RFC1: variants seen among roughly 807,000 people sequenced by gnomAD.
RFC1 encodes the protein replication factor C subunit 1.
RFC1 carries 37 observed loss-of-function variants against 137.4 expected under a neutral mutation model. The ratio of observed to expected loss-of-function variants is 0.27; its 90% CI spans 0.21 to 0.35. The LOEUF (loss-of-function observed/expected upper bound fraction) is 0.35, where lower values mean the gene tolerates loss of function less well. Ranked by LOEUF, RFC1 falls within the 10% of genes least tolerant of loss-of-function variation. The probability of loss-of-function intolerance (pLI) is 1.00; values close to 1 mark genes in which losing one functional copy is unlikely to be tolerated. For synonymous variants in RFC1, 429 were observed against 455.7 expected (o/e 0.94, Z 0.75); for missense variants, 1,205 against 1,358.5 (o/e 0.89, Z 1.78).
In RFC1 at chr4:39,366,270, G is replaced by C; in HGVS notation, c.-29C>G. 1.3e-6 allele frequency: 2 copies of C among 1,530,288 alleles called. No homozygotes were observed. Among genetic ancestry groups the C allele is most frequent in the Non-Finnish European group, 1.8e-6 (2 of 1,137,874 alleles). The allele number at this position is 1,530,288 out of a possible 1,614,324, so 94.8% of individuals were successfully genotyped here. ...AGCCCCAGGATGAAGGCGCTGGCTG[G>C]CTGGCGGGTGGGCCGGTTGAGGAAT... On this transcript the variant is annotated 5_prime_UTR_variant, in exon 1 of 25. Coordinates refer to ENST00000349703, the MANE Select transcript of RFC1 (RefSeq NM_002913.5).
intron 1 of RFC1, 141 bp from the exon 2 acceptor site, chr4:39,351,617 G>A: frequency 1.6e-6 from 1 of 627,998 alleles, no homozygotes; most frequent in Non-Finnish European, 2.5e-6. Flanking sequence ...CACGAATATA[G>A]TAGCTTTCTT....
intron 4 of RFC1, among the ~76,000 whole-genome samples, chr4:39,333,658 GT>G (rs1318551949): frequency 6.6e-6 from 1 of 151,964 alleles, no homozygotes; most frequent in East Asian, 1.9e-4. Flanking sequence ...AATGTTATAG[GT>G]ATAAACATCA....
rs1560616018 is a variant in RFC1, at chr4:39,342,455, T to C, written c.221A>G (p.Glu74Gly). 1.2e-6 allele frequency: 2 copies of C among 1,612,806 alleles called. No homozygotes were observed. Among genetic ancestry groups the C allele is most frequent in the Non-Finnish European group, 1.7e-6 (2 of 1,179,146 alleles). Reference protein sequence around the residue: ...RIIYDSDSESEETLQVKNAKK... With the variant: ...RIIYDSDSESGETLQVKNAKK... ...GGCATTTTTTACCTGCAACGTCTCCTCTGACTCTGAATCTGTATGTGAGAG... is the reference window on the plus strand; with the variant it reads ...GGCATTTTTTACCTGCAACGTCTCCCCTGACTCTGAATCTGTATGTGAGAG... The change falls in exon 4 of 25, where the codon GAG (glutamate) becomes GGG (glycine). Residue 74 changes from glutamate (E) to glycine (G), a missense_variant. This residue lies in a region of RFC1 where 962 missense variants were observed against 1,035.3 expected (regional missense o/e 0.93). Coordinates refer to ENST00000349703, the MANE Select transcript of RFC1 (RefSeq NM_002913.5).
intron 22 of RFC1, 46 bp from the exon 23 acceptor site, chr4:39,291,898 T>C: frequency 7.2e-7 from 1 of 1,393,370 alleles, no homozygotes; most frequent in African/African-American, 1.4e-5. Context: ...AAGTATCAAC[T>C]CAAGTCATAC....
At chr4:39,351,524 A>C in intron 1 of RFC1, 48 bp from the exon 2 acceptor site, 1 of 1,458,676 alleles carries the variant, frequency 6.9e-7, no homozygotes, top group East Asian at 2.7e-5. Flanking sequence ...AACCGCATAA[A>C]ATTATAACTT....
intron 15 of RFC1, among the ~76,000 whole-genome samples, chr4:39,303,517 G>A (rs184549037): frequency 1.4e-3 from 217 of 151,980 alleles, no homozygotes; most frequent in African/African-American, 5.0e-3. Flanking sequence ...GCAATGGCAC[G>A]ATATTGGCTC....
intron 10 of RFC1, among the ~76,000 whole-genome samples, chr4:39,313,365 ACTC>A (rs1207804904): frequency 6.6e-6 from 1 of 152,206 alleles, no homozygotes; most frequent in East Asian, 1.9e-4. Flanking sequence ...AAGCAGGTAT[ACTC>A]CTATCATTTT....
chr4:39,305,485 G>T (rs182293349), intron 14 of RFC1, among the ~76,000 whole-genome samples: 62 of 152,220 alleles, frequency 4.1e-4, no homozygotes, highest in South Asian at 1.0e-3. Context: ...GCGTGTTCCT[G>T]TAGTCTCAGC....
intron 6 of RFC1, among the ~76,000 whole-genome samples, chr4:39,324,637 T>C (rs761861356): frequency 6.6e-6 from 1 of 152,200 alleles, no homozygotes; most frequent in Non-Finnish European, 1.5e-5. Context: ...ATAATACTTA[T>C]CAAGAGCCCA....
Position 39,302,861 on chromosome 4 carries a change from A to G in RFC1, c.2216T>C (p.Leu739Pro). 1 of 1,579,556 alleles carries G rather than the reference A, an allele frequency of 6.3e-7. No homozygotes were observed. Among genetic ancestry groups the G allele is most frequent in the Admixed American group, 1.9e-5 (1 of 51,386 alleles). Residue 739 changes from leucine (L) to proline (P), a missense_variant, in exon 17 of 25, where the codon CTG (leucine) becomes CCG (proline). Leu to Pro is a moderately conservative substitution (Grantham distance 98). Transcript: ENST00000349703. ...AATGGGAATTTTAGTATGTTTTATCAGGCCAATTAATTCCTGAAAGGCAAG... is the reference window on the plus strand; with the variant it reads ...AATGGGAATTTTAGTATGTTTTATCGGGCCAATTAATTCCTGAAAGGCAAG... ...DRGGIQELIG[L>P]IKHTKIPIIC...
chr4:39,316,863 A>G (rs1739263064), intron 10 of RFC1, 52 bp downstream of exon 10: 1 of 1,047,678 alleles, frequency 9.5e-7, no homozygotes, highest in Admixed American at 1.8e-5. Flanking sequence ...ACATACATGG[A>G]CCCATACGGC....
intron 3 of RFC1, among the ~76,000 whole-genome samples, chr4:39,343,131 T>C (rs1009969350): frequency 6.6e-6 from 1 of 152,218 alleles, no homozygotes; most frequent in Non-Finnish European, 1.5e-5. Context: ...CAAGCGATTC[T>C]CCTGCCTCAG....
Position 39,360,761 on chromosome 4 carries a change from T to C in RFC1, c.3+5478A>G, listed in dbSNP as rs1213767209. Among the ~76,000 whole-genome samples, 41 of 152,104 alleles carry C rather than the reference T, an allele frequency of 2.7e-4. 1 individual carries two copies. The highest frequency in any genetic ancestry group is 2.7e-3 in the Admixed American group (41 of 15,262). The stretch of plus-strand genomic sequence containing the variant: ...GAAAAAAAAAGGAGAAAGCAAATTA[T>C]GTCACTGTGTTCATTTTATCTTTGA... On this transcript the variant is annotated intron_variant, in intron 1 of 24. Transcript: ENST00000349703.
chr4:39,301,269 G>C (rs553672589), intron 19 of RFC1, among the ~76,000 whole-genome samples: 4 of 152,304 alleles, frequency 2.6e-5, no homozygotes, highest in African/African-American at 7.2e-5. Context: ...GCTGCCAGGG[G>C]TTGTAGGGAG....
At chr4:39,330,569 A>G (rs1740045152) in intron 4 of RFC1, among the ~76,000 whole-genome samples, 1 of 152,142 alleles carries the variant, frequency 6.6e-6, no homozygotes, top group East Asian at 1.9e-4. Flanking sequence ...TGAGCACTTC[A>G]GCAAGGTGGG....
At chr4:39,345,364 C>CT (rs767608858) in intron 3 of RFC1, 37 bp downstream of exon 3, 4 of 1,561,084 alleles carry the variant, frequency 2.6e-6, no homozygotes, top group Admixed American at 3.4e-5. Flanking sequence ...TATACAATAA[C>CT]TTTAAAATTT....
intron 12 of RFC1, among the ~76,000 whole-genome samples, chr4:39,309,262 G>A (rs13147094): frequency 0.094 from 14,222 of 152,010 alleles, 833 homozygotes; most frequent in East Asian, 0.19. Context: ...GTGACAACAC[G>A]TTGATTTTTA....
intron 1 of RFC1, among the ~76,000 whole-genome samples, chr4:39,365,814 G>A (rs1741994185): frequency 6.6e-6 from 1 of 152,168 alleles, no homozygotes; most frequent in African/African-American, 2.4e-5. Context: ...TATTCCCTAA[G>A]AAAGAAAAGT....
At chr4:39,303,351 T>G (rs1738468956) in intron 15 of RFC1, among the ~76,000 whole-genome samples, 200 bp from the exon 16 acceptor site, 1 of 151,644 alleles carries the variant, frequency 6.6e-6, no homozygotes, top group Non-Finnish European at 1.5e-5. Context: ...TGCCACCCCT[T>G]CCCCTGCAGA....
Sources: allele counts gnomAD v4.1 joint callset (sites outside exome capture counted in the v4.1 genomes callset), GRCh38; gene constraint gnomAD v4.1.1; regional missense constraint gnomAD v4.1.1; transcripts MANE v1.5; gene names NCBI Gene and HGNC (gene_info 2026-07-23, HGNC 2026-07-21).